The following PPP2R2B variants were observed in gnomAD, a reference collection of about 807,000 sequenced individuals.
PPP2R2B encodes the protein protein phosphatase 2 regulatory subunit Bbeta, also known as serine/threonine-protein phosphatase 2A 55 kDa regulatory subunit B beta isoform.
PPP2R2B carries 5 observed loss-of-function variants against 46.0 expected under a neutral mutation model. The ratio of observed to expected loss-of-function variants is 0.11; its 90% CI spans 0.06 to 0.23. The LOEUF (loss-of-function observed/expected upper bound fraction) is 0.23. Ranked by LOEUF, PPP2R2B falls within the 10% of genes least tolerant of loss-of-function variation. The pLI is 1.00. For synonymous variants in PPP2R2B, 215 were observed against 206.7 expected (o/e 1.04, Z -0.34); for missense variants, 367 against 575.0 (o/e 0.64, Z 3.70).
intron 1 of PPP2R2B, among the ~76,000 whole-genome samples, chr5:147,036,548 G>A (rs1051710904): frequency 1.3e-5 from 2 of 152,160 alleles, no homozygotes; most frequent in African/African-American, 4.8e-5. Flanking sequence ...GGATTGCTGA[G>A]TCAAATGGTA....
At chr5:146,983,864 T>C (rs920229526) in intron 1 of PPP2R2B, among the ~76,000 whole-genome samples, 12 of 152,016 alleles carry the variant, frequency 7.9e-5, no homozygotes, top group Non-Finnish European at 1.2e-4. Context: ...TAATCATTCC[T>C]TTAGGGTTGA....
At chr5:146,822,768 A>G (rs1758348696) in intron 2 of PPP2R2B, among the ~76,000 whole-genome samples, 1 of 152,180 alleles carries the variant, frequency 6.6e-6, no homozygotes, top group African/African-American at 2.4e-5. Flanking sequence ...TGAAACAGTG[A>G]TTGATACATA....
At chr5:146,908,776 G>A (rs319172) in intron 1 of PPP2R2B, among the ~76,000 whole-genome samples, 2 of 150,648 alleles carry the variant, frequency 1.3e-5, no homozygotes, top group Admixed American at 6.6e-5. Context: ...TTCCTTTCCC[G>A]CCCTCCCTTC....
chr5:146,622,209 GC>G (rs956027115), intron 7 of PPP2R2B, among the ~76,000 whole-genome samples: 4 of 152,136 alleles, frequency 2.6e-5, no homozygotes, highest in African/African-American at 9.7e-5. Context: ...TAAACAACAT[GC>G]TTTTTCTGGG....
chr5:147,076,568 A>C (rs187437238), intron 2 of PPP2R2B, among the ~76,000 whole-genome samples: 78 of 152,342 alleles, frequency 5.1e-4, no homozygotes, highest in African/African-American at 1.8e-3. Context: ...AAAATAAAAG[A>C]ATAAACATTA....
At chr5:147,021,887 T>A (rs1755285094) in intron 1 of PPP2R2B, among the ~76,000 whole-genome samples, 1 of 152,168 alleles carries the variant, frequency 6.6e-6, no homozygotes, top group Non-Finnish European at 1.5e-5. Flanking sequence ...ATGGATGATA[T>A]CTTTAGTCAA....
At chr5:146,814,307 C>A (rs187103142) in intron 2 of PPP2R2B, among the ~76,000 whole-genome samples, 29 of 151,886 alleles carry the variant, frequency 1.9e-4, no homozygotes, top group Middle Eastern at 3.4e-3. Context: ...TCCCTTGTAG[C>A]TCTTCTACAT....
chr5:146,749,601 CT>C (rs1753414783), intron 2 of PPP2R2B, among the ~76,000 whole-genome samples: 2 of 124,106 alleles, frequency 1.6e-5, no homozygotes, highest in African/African-American at 6.0e-5. Flanking sequence ...TTTTTCTTTT[CT>C]TTTCTTTTTT....
At chr5:146,707,651 G>T (rs1469967075) in intron 2 of PPP2R2B, 2 of 575,486 alleles carry the variant, frequency 3.5e-6, no homozygotes, top group African/African-American at 3.7e-5. Flanking sequence ...GATTCCAGAA[G>T]GAGTGGAGAA....
chr5:146,940,513 A>G (rs1764287579), intron 1 of PPP2R2B, among the ~76,000 whole-genome samples: 1 of 149,796 alleles, frequency 6.7e-6, no homozygotes, highest in African/African-American at 2.4e-5. Flanking sequence ...TGCTAGGGGA[A>G]AAAAAAAAAA....
At chr5:146,625,273 T>C (rs451197) in intron 7 of PPP2R2B, among the ~76,000 whole-genome samples, 32,601 of 152,176 alleles carry the variant, frequency 0.21, 5,083 homozygotes, top group African/African-American at 0.44. Flanking sequence ...TTAATTTTAA[T>C]GTTCATGTAA....
At chr5:146,810,418 C>A (rs1757455826) in intron 2 of PPP2R2B, among the ~76,000 whole-genome samples, 1 of 152,140 alleles carries the variant, frequency 6.6e-6, no homozygotes, top group African/African-American at 2.4e-5. Flanking sequence ...TGGAGAAAAC[C>A]ACCCCCATGA....
intron 6 of PPP2R2B, among the ~76,000 whole-genome samples, chr5:146,640,018 G>A (rs2151080870): frequency 6.6e-6 from 1 of 152,320 alleles, no homozygotes; most frequent in East Asian, 1.9e-4. Flanking sequence ...TAGTAGCATA[G>A]TCCCCTCCTT....
intron 2 of PPP2R2B, chr5:146,751,706 T>A (rs1467742762): frequency 1.3e-5 from 2 of 152,146 alleles, no homozygotes; most frequent in Non-Finnish European, 2.9e-5. Flanking sequence ...CTGCCTTGTG[T>A]GATGAGTTCT....
chr5:146,762,016 A>G (rs1337842667), intron 2 of PPP2R2B, among the ~76,000 whole-genome samples: 1 of 152,120 alleles, frequency 6.6e-6, no homozygotes, highest in Non-Finnish European at 1.5e-5. Context: ...TTGGGACCTA[A>G]ACCTTCCAGC....
chr5:146,706,250 G>T, intron 2 of PPP2R2B: 1 of 478,468 alleles, frequency 2.1e-6, no homozygotes, highest in Non-Finnish European at 3.9e-6. Context: ...CCCATCTCGG[G>T]TCTTGATCTT....
intron 1 of PPP2R2B, among the ~76,000 whole-genome samples, chr5:147,022,829 CA>C (rs2151886136): frequency 6.6e-6 from 1 of 151,742 alleles, no homozygotes; most frequent in East Asian, 1.9e-4. Context: ...AAAGGAAAAA[CA>C]AAACCCAGTC....
At chr5:146,995,804 C>G (rs932562688) in intron 1 of PPP2R2B, among the ~76,000 whole-genome samples, 2 of 152,142 alleles carry the variant, frequency 1.3e-5, no homozygotes, top group African/African-American at 4.8e-5. Flanking sequence ...ACAAGGTGGG[C>G]AGGCACACAG....
chr5:146,666,000 C>A (rs945902389), intron 5 of PPP2R2B, among the ~76,000 whole-genome samples: 3 of 152,060 alleles, frequency 2.0e-5, no homozygotes, highest in East Asian at 1.9e-4. Flanking sequence ...CACAATAAAG[C>A]GAAATGTAAT....
Sources: allele counts gnomAD v4.1 joint callset (sites outside exome capture counted in the v4.1 genomes callset), GRCh38; gene constraint gnomAD v4.1.1; transcripts MANE v1.5; gene names NCBI Gene and HGNC (gene_info 2026-07-23, HGNC 2026-07-21).